CFAP61: variants seen among roughly 807,000 people sequenced by gnomAD.
The protein encoded by CFAP61 is cilia- and flagella-associated protein 61.
Under a neutral mutation model 135.6 loss-of-function variants are expected in CFAP61, and 107 were observed. The ratio of observed to expected loss-of-function variants is 0.79; its 90% CI spans 0.67 to 0.93. CFAP61 has a LOEUF of 0.93. CFAP61 is among the 40% of genes least tolerant of loss of function. The pLI is 0.00. For missense variants in CFAP61, 1,507 were observed against 1,556.2 expected (o/e 0.97, Z 0.53); for synonymous variants, 575 against 578.5 (o/e 0.99, Z 0.09).
chr20:20,308,456 A>C, intron 25 of CFAP61, among the ~76,000 whole-genome samples: 1 of 7,676 alleles, frequency 1.3e-4, no homozygotes. Flanking sequence ...GTGTGGGGGA[A>C]GGGGGCTGGT....
rs1208764365 is a variant in CFAP61, at chr20:20,052,578, G to C, written c.-50G>C. 15 of 1,613,792 alleles carry C rather than the reference G, an allele frequency of 9.3e-6. No homozygotes were observed. Among genetic ancestry groups the C allele is most frequent in the Non-Finnish European group, 1.2e-5 (14 of 1,179,898 alleles). On this transcript the variant is annotated 5_prime_UTR_variant, in exon 1 of 27. Transcript: ENST00000245957. Reference sequence around the variant, plus strand: ...GCAGCGCGTGGAGTGCGGCGTCCTGGAGCTGCGGATGAGGTGGGTAACGCC... The same window carrying C: ...GCAGCGCGTGGAGTGCGGCGTCCTGCAGCTGCGGATGAGGTGGGTAACGCC...
intron 13 of CFAP61, among the ~76,000 whole-genome samples, chr20:20,176,697 A>C (rs967584312): frequency 6.6e-6 from 1 of 152,118 alleles, no homozygotes; most frequent in African/African-American, 2.4e-5. Context: ...AGCGGGGAAC[A>C]ACACACATTG....
intron 25 of CFAP61, among the ~76,000 whole-genome samples, chr20:20,304,305 A>T (rs4813382): frequency 0.71 from 78,298 of 110,030 alleles, 24,657 homozygotes; most frequent in East Asian, 0.74. Context: ...TGTGTGTGTG[A>T]GAGAGAGAGA....
intron 21 of CFAP61, among the ~76,000 whole-genome samples, chr20:20,264,896 A>AT: frequency 6.6e-6 from 1 of 151,926 alleles, no homozygotes; most frequent in Middle Eastern, 3.4e-3. Flanking sequence ...TATCTTAAAA[A>AT]TTTTTTTTCT....
chr20:20,159,007 T>G (rs1238000712), intron 9 of CFAP61, among the ~76,000 whole-genome samples: 1 of 152,246 alleles, frequency 6.6e-6, no homozygotes, highest in African/African-American at 2.4e-5. Flanking sequence ...ACCATCATAA[T>G]ACCTCAATAC....
intron 8 of CFAP61, chr20:20,107,743 C>T (rs552725209): frequency 2.6e-5 from 4 of 152,290 alleles, no homozygotes; most frequent in African/African-American, 9.6e-5. Flanking sequence ...GATCCTCCTA[C>T]TTCAGCTTCC....
chr20:20,268,781 A>T (rs1238932573), intron 21 of CFAP61, among the ~76,000 whole-genome samples: 1 of 152,178 alleles, frequency 6.6e-6, no homozygotes, highest in Non-Finnish European at 1.5e-5. Context: ...ATTGAAATTC[A>T]TCTGCTATTA....
At chr20:20,065,234 T>G (rs2045152723) in intron 2 of CFAP61, among the ~76,000 whole-genome samples, 1 of 152,162 alleles carries the variant, frequency 6.6e-6, no homozygotes, top group Non-Finnish European at 1.5e-5. Flanking sequence ...GATTCCAAAT[T>G]CATTTATCCA....
At chr20:20,214,332 C>G (rs1485178879) in intron 17 of CFAP61, 4 of 152,134 alleles carry the variant, frequency 2.6e-5, no homozygotes, top group African/African-American at 7.2e-5. Context: ...TGTAACAGAG[C>G]TTTGTGTATG....
rs200487500 is a variant in CFAP61, at chr20:20,352,660, TCTCTC to T, written c.3514-7549_3514-7545del. Reference sequence around the variant, plus strand: ...ATGCAGAAGAATGAAATTGGACTCTTCTCTCAGCCCATACACAAAAATCAATTCAA... The same window carrying T: ...ATGCAGAAGAATGAAATTGGACTCTTAGCCCATACACAAAAATCAATTCAA... On this transcript the variant is annotated intron_variant, in intron 26 of 26. Transcript: ENST00000245957. Among the ~76,000 whole-genome samples, 128 of 152,230 alleles carry T rather than the reference TCTCTC, an allele frequency of 8.4e-4. 3 individuals are homozygous for T. In the East Asian group the frequency reaches 0.022, roughly 26 times the overall value.
intron 17 of CFAP61, among the ~76,000 whole-genome samples, chr20:20,207,244 C>T (rs1404927138): frequency 6.6e-6 from 1 of 152,094 alleles, no homozygotes; most frequent in Non-Finnish European, 1.5e-5. Flanking sequence ...TTTTTTAAAG[C>T]CACCAGCAGG....
chr20:20,251,695 G>A lies in CFAP61; in HGVS notation c.2260G>A (p.Val754Ile), dbSNP rs758351689. The change falls in exon 20 of 27, where the codon GTT (valine) becomes ATT (isoleucine). Residue 754 changes from valine to isoleucine, a missense_variant. Coordinates refer to ENST00000245957, the MANE Select transcript of CFAP61 (RefSeq NM_015585.4). The stretch of plus-strand genomic sequence containing the variant: ...CGGCATAGACCGAGCAGCCAAGCAC[G>A]TTGTGCTTTCCACGGACGAGATCGT... ...MTGIDRAAKH[V>I]VLSTDEIVPY... 20 of 1,614,068 alleles carry A rather than the reference G, an allele frequency of 1.2e-5. No individual in the cohort carries two copies. Among genetic ancestry groups the A allele is most frequent in the African/African-American group, 2.7e-5 (2 of 74,938 alleles).
intron 12 of CFAP61, 106 bp downstream of exon 12, chr20:20,166,542 C>T (rs1030136938): frequency 1.5e-5 from 13 of 884,718 alleles, no homozygotes; most frequent in Admixed American, 6.1e-5. Flanking sequence ...GGTTTGTGTT[C>T]GGAGAATAAG....
At chr20:20,316,712 C>A (rs2093910164) in intron 25 of CFAP61, 1 of 151,372 alleles carries the variant, frequency 6.6e-6, no homozygotes, top group South Asian at 2.1e-4. Flanking sequence ...GAAATACGTC[C>A]CATCAATACC....
intron 26 of CFAP61, among the ~76,000 whole-genome samples, chr20:20,348,318 T>C (rs2058704020): frequency 6.6e-6 from 1 of 152,122 alleles, no homozygotes; most frequent in African/African-American, 2.4e-5. Flanking sequence ...AACACCCAGC[T>C]GAGTGAGATT....
At chr20:20,182,963 A>G (rs371399150) in intron 13 of CFAP61, among the ~76,000 whole-genome samples, 1 of 152,190 alleles carries the variant, frequency 6.6e-6, no homozygotes, top group Non-Finnish European at 1.5e-5. Context: ...TTATCCAGAA[A>G]AGGAAGGAGC....
intron 2 of CFAP61, 118 bp from the exon 3 acceptor site, chr20:20,070,736 A>G: frequency 1.2e-6 from 1 of 839,520 alleles, no homozygotes; most frequent in Non-Finnish European, 1.8e-6. Flanking sequence ...TTTTCCAAAG[A>G]TTATCTGACC....
At chr20:20,066,969 C>T (rs954742538) in intron 2 of CFAP61, among the ~76,000 whole-genome samples, 10 of 151,480 alleles carry the variant, frequency 6.6e-5, no homozygotes, top group African/African-American at 9.7e-5. Flanking sequence ...GTGGAGGGGG[C>T]GGATGTGATA....
intron 8 of CFAP61, among the ~76,000 whole-genome samples, chr20:20,125,635 A>G (rs1015464639): frequency 6.6e-6 from 1 of 151,708 alleles, no homozygotes; most frequent in African/African-American, 2.4e-5. Context: ...TTTATGGCCT[A>G]TCATGGTCTA....
Sources: gnomAD v4.1 joint callset for allele counts (sites outside exome capture counted in the v4.1 genomes callset) on GRCh38, gnomAD v4.1.1 for gene constraint, MANE v1.5 for transcripts, NCBI Gene and HGNC (gene_info 2026-07-23, HGNC 2026-07-21) for gene names.